SNX8: variants seen among roughly 807,000 people sequenced by gnomAD.
SNX8 encodes sorting nexin-8.
SNX8 carries 25 observed loss-of-function variants against 51.6 expected under a neutral mutation model. The ratio of observed to expected loss-of-function variants is 0.48; its 90% CI spans 0.35 to 0.68. SNX8 has a LOEUF of 0.68. Among genes scored for constraint, SNX8 ranks in the 30% least tolerant of loss-of-function variants. The pLI is 0.00. For synonymous variants in SNX8, 324 were observed against 277.0 expected (o/e 1.17, Z -1.68); for missense variants, 695 against 624.0 (o/e 1.11, Z -1.21).
chr7:2,354,458 T>G (rs145119534), upstream of SNX8: 3 of 152,202 alleles, frequency 2.0e-5, no homozygotes. Flanking sequence ...GGGTATTAAC[T>G]GTTGAGTTAG....
chr7:2,285,551 A>G (rs1796008657), intron 1 of SNX8, among the ~76,000 whole-genome samples: 1 of 152,208 alleles, frequency 6.6e-6, no homozygotes, highest in South Asian at 2.1e-4. Context: ...CCCCTCGAAC[A>G]TGGAGAAATA....
At chr7:2,294,171 G>A (rs1490051821) in intron 1 of SNX8, among the ~76,000 whole-genome samples, 3 of 151,470 alleles carry the variant, frequency 2.0e-5, no homozygotes, top group Non-Finnish European at 2.9e-5. Context: ...GCTGAGGCCA[G>A]AGAATCGTTT....
At chr7:2,281,415 T>C (rs1219532649) in intron 1 of SNX8, among the ~76,000 whole-genome samples, 2 of 150,374 alleles carry the variant, frequency 1.3e-5, no homozygotes, top group Non-Finnish European at 3.0e-5. Flanking sequence ...TAAGACCCTG[T>C]CTATAAAAAC....
At chr7:2,336,833 C>G (rs1422514833) in intron 1 of SNX8, among the ~76,000 whole-genome samples, 1 of 150,902 alleles carries the variant, frequency 6.6e-6, no homozygotes, top group Non-Finnish European at 1.5e-5. Context: ...ATGGTGAAAC[C>G]TCATCTCTAC....
intron 10 of SNX8, among the ~76,000 whole-genome samples, chr7:2,255,607 C>T (rs992736792): frequency 3.3e-5 from 5 of 152,184 alleles, no homozygotes; most frequent in Admixed American, 6.5e-5. Flanking sequence ...GATGTGGTGG[C>T]ACCTGCCTGT....
intron 1 of SNX8, among the ~76,000 whole-genome samples, chr7:2,323,349 A>AAAAAAC (rs1562457857): frequency 6.9e-6 from 1 of 145,556 alleles, no homozygotes; most frequent in African/African-American, 2.6e-5. Context: ...AAAAAAAAAA[A>AAAAAAC]CAACCAAACA....
At chr7:2,333,328 T>C (rs1778772413) in intron 1 of SNX8, among the ~76,000 whole-genome samples, 1 of 152,170 alleles carries the variant, frequency 6.6e-6, no homozygotes, top group South Asian at 2.1e-4. Flanking sequence ...TGTGGGAGGC[T>C]GAGGCGGGTG....
In SNX8 at chr7:2,309,947, T is replaced by A. The variant is rs1758599620; in HGVS notation, c.94+4381A>T. ...GGCCCTGGACCTGCCTCAATGACAC[T>A]CAAGGAGTCATCGCCAGGTCAACGC... On this transcript the variant is annotated intron_variant, in intron 1 of 10. Transcript: ENST00000222990. 1.3e-5 allele frequency: 6 copies of A among 452,776 alleles called. No individual in the cohort carries two copies. The Admixed American group carries it at 1.6e-4, about 12-fold the overall frequency. The allele number at this position is 452,776 out of a possible 1,614,324, so 28.0% of individuals were successfully genotyped here.
chr7:2,277,653 A>G (rs1795811677), intron 2 of SNX8, among the ~76,000 whole-genome samples: 1 of 151,922 alleles, frequency 6.6e-6, no homozygotes, highest in Non-Finnish European at 1.5e-5. Flanking sequence ...AAAAATACAA[A>G]AAAATTTGCC....
chr7:2,255,157 A>C lies in SNX8; in HGVS notation c.1297T>G (p.Trp433Gly), dbSNP rs1795146951. 1 of 1,551,352 alleles carries C rather than the reference A, an allele frequency of 6.4e-7. No individual in the cohort carries two copies. Among genetic ancestry groups the C allele is most frequent in the Non-Finnish European group, 8.7e-7 (1 of 1,145,104 alleles). ...IQGHKEMSKV[W>G]NDLRPKLSCL... ...CTGAGCTTGGGCCTCAGGTCGTTCC[A>C]CACCTTGCTCATCTGAAAGGGAAGC... The change falls in exon 11 of 11, where the codon TGG (tryptophan) becomes GGG (glycine). Residue 433 changes from tryptophan (W) to glycine (G), a missense_variant. By Grantham distance (184) the Trp-to-Gly change is radical. Transcript: ENST00000222990.
rs143889929 is a variant in SNX8 at position 2,343,269 on chromosome 7, C to T, written c.-66+10953G>A. ...ATATTAATTTGGCCATTTAGTATGA[C>T]CAAACTGTATGATGAAAGAGACCAT... is the stretch of plus-strand genomic sequence containing the variant. On this transcript the variant is annotated intron_variant, in intron 1 of 5. Coordinates refer to the SNX8 transcript ENST00000435336. Among the ~76,000 whole-genome samples the T allele has an allele frequency of 3.2e-4, 49 of 151,974 alleles. No homozygotes were observed. The East Asian group carries it at 8.2e-3, about 25-fold the overall frequency.
intron 1 of SNX8, among the ~76,000 whole-genome samples, chr7:2,319,795 A>T (rs1204125921): frequency 1.3e-5 from 2 of 149,620 alleles, no homozygotes; most frequent in Non-Finnish European, 3.0e-5. Flanking sequence ...AGCCTGGGCG[A>T]CAGAGCGAGA....
chr7:2,268,305 C>T (rs1274049295), intron 5 of SNX8, among the ~76,000 whole-genome samples: 2 of 144,764 alleles, frequency 1.4e-5, no homozygotes, highest in Non-Finnish European at 3.0e-5. Context: ...CTCTGCCTGG[C>T]AACCACCCCG....
intron 1 of SNX8, among the ~76,000 whole-genome samples, chr7:2,353,590 T>G (rs1779216113): frequency 6.6e-6 from 1 of 151,842 alleles, no homozygotes; most frequent in South Asian, 2.1e-4. Flanking sequence ...CCTAGCCATT[T>G]TAATATGAAG....
chr7:2,262,356 T>TA (rs1233951222), intron 7 of SNX8, among the ~76,000 whole-genome samples: 2 of 152,144 alleles, frequency 1.3e-5, no homozygotes, highest in African/African-American at 4.8e-5. Flanking sequence ...CACTTTTTCT[T>TA]AACATAAAAG....
At chr7:2,279,683 G>A (rs911133746) in intron 1 of SNX8, among the ~76,000 whole-genome samples, 2 of 151,432 alleles carry the variant, frequency 1.3e-5, no homozygotes, top group African/African-American at 4.9e-5. Context: ...GTCCGGGAAG[G>A]CGGAGGCTGC....
At chr7:2,284,673 G>C (rs1480447775) in intron 1 of SNX8, among the ~76,000 whole-genome samples, 1 of 151,520 alleles carries the variant, frequency 6.6e-6, no homozygotes, top group Non-Finnish European at 1.5e-5. Context: ...CAAAGTGCTG[G>C]GATTACAGGC....
chr7:2,280,747 T>C (rs80071074), intron 1 of SNX8, among the ~76,000 whole-genome samples: 3,582 of 151,560 alleles, frequency 0.024, 127 homozygotes, highest in African/African-American at 0.082. Context: ...TTCCAATCAT[T>C]AGAAAGCTAT....
At position 2,346,626 on chromosome 7, in the gene SNX8, G is replaced by A. The variant is rs1382408868; in HGVS notation, c.-66+7596C>T. Among the ~76,000 whole-genome samples, 6 of 149,444 alleles carry A rather than the reference G, an allele frequency of 4.0e-5. No individual in the cohort carries two copies. The East Asian group carries it at 1.2e-3, about 30-fold the overall frequency. ...CCGGGCGTGGTGGTGGGCACCTGTA[G>A]TCCCAGCTACTTGGGAGGCTGAGGC... On this transcript the variant is annotated intron_variant, in intron 1 of 5. Coordinates refer to the SNX8 transcript ENST00000435336.
Sources: gnomAD v4.1 joint callset for allele counts (sites outside exome capture counted in the v4.1 genomes callset) on GRCh38, gnomAD v4.1.1 for gene constraint, MANE v1.5 for transcripts, NCBI Gene and HGNC (gene_info 2026-07-23, HGNC 2026-07-21) for gene names.